The following TMCC1 variants were observed in gnomAD, a reference collection of about 807,000 sequenced individuals.
TMCC1 encodes the protein transmembrane and coiled-coil domain family 1, also known as transmembrane and coiled-coil domains protein 1.
TMCC1 carries 15 observed loss-of-function variants against 52.4 expected under a neutral mutation model. That is an observed-to-expected ratio of 0.29 (90% CI 0.19 to 0.44). The LOEUF (loss-of-function observed/expected upper bound fraction) is 0.44, where lower values mean the gene tolerates loss of function less well. Among genes scored for constraint, TMCC1 ranks in the 20% least tolerant of loss-of-function variants. The probability of loss-of-function intolerance (pLI) is 1.00; values close to 1 mark genes in which losing one functional copy is unlikely to be tolerated. For synonymous variants in TMCC1, 279 were observed against 301.9 expected, an observed-to-expected ratio of 0.92 and a Z score of 0.79; for missense variants, 503 against 806.0, an observed-to-expected ratio of 0.62 and a Z score of 4.55.
intron 4 of TMCC1, among the ~76,000 whole-genome samples, chr3:129,769,911 G>A (rs2054416665): frequency 6.6e-6 from 1 of 152,090 alleles, no homozygotes; most frequent in African/African-American, 2.4e-5. Context: ...AAAAGCAACG[G>A]AGAAGAATTT....
chr3:129,737,243 A>C (rs1265218949), intron 4 of TMCC1, among the ~76,000 whole-genome samples: 3 of 151,960 alleles, frequency 2.0e-5, no homozygotes. Context: ...GAGGTGGGCG[A>C]ATCACCTGAG....
intron 4 of TMCC1, among the ~76,000 whole-genome samples, chr3:129,733,952 C>G (rs1463703638): frequency 1.3e-5 from 2 of 152,078 alleles, no homozygotes; most frequent in Non-Finnish European, 2.9e-5. Flanking sequence ...TCACACACTA[C>G]TGATAGGAAT....
At chr3:129,803,248 T>A (rs567059996) in intron 4 of TMCC1, among the ~76,000 whole-genome samples, 1 of 152,220 alleles carries the variant, frequency 6.6e-6, no homozygotes, top group African/African-American at 2.4e-5. Context: ...TTATGCTAAA[T>A]GAAATAAGCC....
At chr3:129,871,963 G>C (rs2060953756) in intron 2 of TMCC1, among the ~76,000 whole-genome samples, 2 of 152,170 alleles carry the variant, frequency 1.3e-5, no homozygotes, top group Non-Finnish European at 2.9e-5. Flanking sequence ...ACACATCTAA[G>C]TTGTAAAGAT....
rs561005827 is a variant in TMCC1 at position 129,885,415 on chromosome 3, G to A, written c.-434-4856C>T. On this transcript the variant is annotated intron_variant, in intron 1 of 6. Coordinates refer to ENST00000393238, the MANE Select transcript of TMCC1 (RefSeq NM_001017395.5). Reference sequence around the variant, plus strand: ...CCGGCCTGACCAACATGGTGAAACCGTCTCTACAAAAACACAAAAATTAGC... The same window carrying A: ...CCGGCCTGACCAACATGGTGAAACCATCTCTACAAAAACACAAAAATTAGC... Among the ~76,000 whole-genome samples the A allele has an allele frequency of 2.0e-4, 30 of 151,760 alleles. No individual in the cohort carries two copies. In the South Asian group the frequency reaches 2.5e-3, roughly 13 times the overall value.
chr3:129,708,272 G>A (rs1224524887), intron 4 of TMCC1, among the ~76,000 whole-genome samples: 1 of 152,068 alleles, frequency 6.6e-6, no homozygotes, highest in Admixed American at 6.6e-5. Flanking sequence ...TTCTAATATA[G>A]GGTAATATTA....
At chr3:129,775,235 G>A (rs564987705) in intron 4 of TMCC1, among the ~76,000 whole-genome samples, 15 of 152,148 alleles carry the variant, frequency 9.9e-5, no homozygotes, top group African/African-American at 2.9e-4. Flanking sequence ...ACTTGAGCCC[G>A]CAAGTTCGAG....
intron 4 of TMCC1, among the ~76,000 whole-genome samples, chr3:129,764,073 A>C (rs1483913543): frequency 1.3e-5 from 2 of 152,206 alleles, no homozygotes; most frequent in East Asian, 1.9e-4. Context: ...TTTAAACCAA[A>C]ATCTTCCTGG....
chr3:129,816,149 C>T (rs961860227), intron 4 of TMCC1, among the ~76,000 whole-genome samples: 4 of 152,106 alleles, frequency 2.6e-5, no homozygotes, highest in African/African-American at 4.8e-5. Context: ...TAAATTAGTA[C>T]AGCCACTATG....
intron 4 of TMCC1, among the ~76,000 whole-genome samples, chr3:129,790,147 T>C (rs1276625771): frequency 6.6e-6 from 1 of 152,326 alleles, no homozygotes; most frequent in South Asian, 2.1e-4. Flanking sequence ...ATTTTTAATA[T>C]AGAAAGTGGC....
At chr3:129,868,478 GC>G (rs1167069776) in intron 2 of TMCC1, among the ~76,000 whole-genome samples, 4 of 152,124 alleles carry the variant, frequency 2.6e-5, no homozygotes, top group African/African-American at 9.7e-5. Flanking sequence ...TTGCTCTGTT[GC>G]CCAGGCTTGA....
At chr3:129,803,502 A>ATT (rs1227091213) in intron 4 of TMCC1, among the ~76,000 whole-genome samples, 1 of 152,202 alleles carries the variant, frequency 6.6e-6, no homozygotes, top group African/African-American at 2.4e-5. Context: ...TACATTTGTT[A>ATT]TGTGTTTTTA....
At chr3:129,878,618 A>G (rs2061330739) in intron 2 of TMCC1, among the ~76,000 whole-genome samples, 1 of 152,092 alleles carries the variant, frequency 6.6e-6, no homozygotes, top group African/African-American at 2.4e-5. Context: ...ACCACTATCT[A>G]CTCAGCAGCC....
At chr3:129,764,757 G>GTGTA (rs1311267538) in intron 4 of TMCC1, among the ~76,000 whole-genome samples, 4 of 73,416 alleles carry the variant, frequency 5.4e-5, no homozygotes, top group African/African-American at 4.0e-4. Context: ...GTGTGTGTGT[G>GTGTA]TATATATATA....
At chr3:129,757,227 T>C (rs982260919) in intron 4 of TMCC1, among the ~76,000 whole-genome samples, 1 of 152,178 alleles carries the variant, frequency 6.6e-6, no homozygotes, top group Non-Finnish European at 1.5e-5. Context: ...ATAATGCCCA[T>C]GAACCTTAAT....
chr3:129,706,882 C>G (rs1212507536), intron 4 of TMCC1, among the ~76,000 whole-genome samples: 1 of 151,994 alleles, frequency 6.6e-6, no homozygotes, highest in Non-Finnish European at 1.5e-5. Flanking sequence ...GATCATAGCT[C>G]ACTGCAGCCT....
chr3:129,886,129 C>T (rs73863903), intron 1 of TMCC1, among the ~76,000 whole-genome samples: 1,704 of 152,260 alleles, frequency 0.011, 20 homozygotes, highest in African/African-American at 0.039. Context: ...CAGTGAGAGA[C>T]CACTTGCTGC....
intron 4 of TMCC1, among the ~76,000 whole-genome samples, chr3:129,811,370 T>G (rs2057798400): frequency 6.6e-6 from 1 of 152,084 alleles, no homozygotes; most frequent in Non-Finnish European, 1.5e-5. Context: ...CCTCAAGTGA[T>G]CCTCCTGCCT....
Position 129,651,507 on chromosome 3 carries a change from C to G in TMCC1, c.1936G>C (p.Glu646Gln), listed in dbSNP as rs768153490. ...KHWDALFSYVERFFSSPR is the reference protein window; with the variant it reads ...KHWDALFSYVQRFFSSPR The stretch of plus-strand genomic sequence containing the variant: ...CATCTAGGGGATGAAAAGAACCGTT[C>G]CACATAGCTGAAGAGGGCGTCCCAG... The change falls in exon 7 of 7, where the codon GAA becomes CAA. Residue 646 changes from glutamate (E) to glutamine (Q), a missense_variant. This residue lies in a region of TMCC1 where 50 missense variants were observed against 62.6 expected (regional missense o/e 0.80). Coordinates refer to ENST00000393238, the MANE Select transcript of TMCC1 (RefSeq NM_001017395.5). This position sits in a 1 kb window ranked among gnomAD's most constrained non-coding sequence, Gnocchi z 5.1. The G allele has an allele frequency of 6.2e-7, 1 of 1,614,074 alleles. No individual in the cohort carries two copies. The highest frequency in any genetic ancestry group is 8.5e-7 in the Non-Finnish European group (1 of 1,179,994).
Sources: allele counts gnomAD v4.1 joint callset (sites outside exome capture counted in the v4.1 genomes callset), GRCh38; gene constraint gnomAD v4.1.1; regional missense constraint gnomAD v4.1.1; non-coding constraint Gnocchi (gnomAD v3.1); transcripts MANE v1.5; gene names NCBI Gene and HGNC (gene_info 2026-07-23, HGNC 2026-07-21).